The following APC2 variants were observed in gnomAD, a reference collection of about 807,000 sequenced individuals.
APC2 encodes the protein adenomatous polyposis coli protein 2.
Under a neutral mutation model 72.5 loss-of-function variants are expected in APC2, and 41 were observed. That is an observed-to-expected ratio of 0.57 (90% CI 0.44 to 0.73). The LOEUF (loss-of-function observed/expected upper bound fraction) is 0.73, where lower values mean the gene tolerates loss of function less well. Ranked by LOEUF, APC2 falls within the 30% of genes least tolerant of loss-of-function variation. The probability of loss-of-function intolerance (pLI) is 0.00; values close to 1 mark genes in which losing one functional copy is unlikely to be tolerated. For synonymous variants in APC2, 1,898 were observed against 1,612.0 expected (o/e 1.18, Z -4.25); for missense variants, 3,729 against 3,403.4 (o/e 1.10, Z -2.38).
chr19:1,450,157 G>C lies in APC2; in HGVS notation c.-200G>C. 12 of 985,270 alleles carry C rather than the reference G, an allele frequency of 1.2e-5. No homozygotes were observed. Among genetic ancestry groups the C allele is most frequent in the Non-Finnish European group, 1.3e-5 (11 of 829,876 alleles). 61.0% of individuals were successfully genotyped at this position (985,270 alleles called of 1,614,324 possible). On this transcript the variant is annotated 5_prime_UTR_variant, in exon 1 of 15. Transcript: ENST00000590469. ...GCCCAGCGCTAGGAGCGGCAGCGCC[G>C]CCTGCCCAGGCCCGGACCGGGCTTT...
Position 1,467,211 on chromosome 19 carries a change from C to T in APC2, c.3910C>T (p.Arg1304Cys). ...GCTGCTGCCCTCGGCCTGCCCCGAGCGCGGCGGGGGCGCCGGGGGCGCCGG... is the reference window on the plus strand; with the variant it reads ...GCTGCTGCCCTCGGCCTGCCCCGAGTGCGGCGGGGGCGCCGGGGGCGCCGG... ...LRLLPSACPERGGGAGGAGLH... is the reference protein window; with the variant it reads ...LRLLPSACPECGGGAGGAGLH... The change falls in exon 15 of 15, where the codon CGC becomes TGC. Residue 1304 changes from arginine (R) to cysteine (C), a missense_variant. Transcript: ENST00000590469. 2.1e-6 allele frequency: 3 copies of T among 1,415,920 alleles called. No individual in the cohort carries two copies. The highest frequency in any genetic ancestry group is 2.7e-6 in the Non-Finnish European group (3 of 1,091,164). The allele number at this position is 1,415,920 out of a possible 1,614,324, so 87.7% of individuals were successfully genotyped here. A position where few individuals can be genotyped will look rare whatever the true frequency, so the allele number is the denominator to read the frequency against.
At chr19:1,459,038 C>G (rs2083883287) in intron 10 of APC2, among the ~76,000 whole-genome samples, 1 of 152,054 alleles carries the variant, frequency 6.6e-6, no homozygotes, top group African/African-American at 2.4e-5. Context: ...ATCCTGTCCC[C>G]AGCCCCTGGC....
intron 14 of APC2, among the ~76,000 whole-genome samples, chr19:1,464,696 G>C (rs1400594839): frequency 6.9e-6 from 1 of 144,034 alleles, no homozygotes; most frequent in African/African-American, 2.6e-5. Flanking sequence ...GCAGTGGCGC[G>C]ATCTCGGCTC....
intron 14 of APC2, 121 bp downstream of exon 14, chr19:1,462,298 G>A (rs944808898): frequency 1.1e-6 from 1 of 922,038 alleles, no homozygotes; most frequent in Non-Finnish European, 1.6e-6. Flanking sequence ...GCTGCTGTTT[G>A]CAGCATAAAT....
At chr19:1,462,562 G>A (rs2083943234) in intron 14 of APC2, among the ~76,000 whole-genome samples, 1 of 144,528 alleles carries the variant, frequency 6.9e-6, no homozygotes, top group South Asian at 2.2e-4. Context: ...GGCTGAGGCA[G>A]AAGAATCGTT....
chr19:1,459,314 C>A (rs1041977758), intron 10 of APC2, among the ~76,000 whole-genome samples: 1 of 152,134 alleles, frequency 6.6e-6, no homozygotes, highest in African/African-American at 2.4e-5. Context: ...AAGCGATTCT[C>A]CTGCCTCAGC....
At chr19:1,462,870 C>CT (rs1318191051) in intron 14 of APC2, among the ~76,000 whole-genome samples, 2 of 151,054 alleles carry the variant, frequency 1.3e-5, no homozygotes, top group Non-Finnish European at 2.9e-5. Context: ...ACTCAGGAGG[C>CT]TGAGACAGGA....
At chr19:1,449,253 G>A (rs566325187), upstream of APC2, among the ~76,000 whole-genome samples, 15 of 152,082 alleles carry the variant, frequency 9.9e-5, no homozygotes, top group Admixed American at 3.3e-4. Context: ...GGCCCCAGTC[G>A]CCTCCCTTTC....
At chr19:1,460,140 G>A in intron 10 of APC2, 41 bp from the exon 11 acceptor site, 1 of 1,611,604 alleles carries the variant, frequency 6.2e-7, no homozygotes, top group Non-Finnish European at 8.5e-7. Flanking sequence ...CAGCAGGCAG[G>A]GTCATCCCTG....
In APC2 at chr19:1,466,372, G is replaced by A; in HGVS notation, c.3071G>A (p.Gly1024Glu). 1 of 1,585,120 alleles carries A rather than the reference G, an allele frequency of 6.3e-7. No individual in the cohort carries two copies. The highest frequency in any genetic ancestry group is 1.1e-5 in the South Asian group (1 of 88,802). The part of the protein sequence containing the change: ...EPLAGPGISP[G>E]ARKQAWLPAD... Reference sequence around the variant, plus strand: ...CTCGCGGGGCCTGGAATCTCTCCAGGGGCCCGGAAGCAGGCCTGGCTGCCG... The same window carrying A: ...CTCGCGGGGCCTGGAATCTCTCCAGAGGCCCGGAAGCAGGCCTGGCTGCCG... Residue 1024 changes from glycine to glutamate, a missense_variant, in exon 15 of 15, where the codon GGG becomes GAG. Coordinates refer to ENST00000590469, the MANE Select transcript of APC2 (RefSeq NM_005883.3).
At position 1,468,053 on chromosome 19, in the gene APC2, C is replaced by T. The variant is rs2084054686; in HGVS notation, c.4752C>T (p.Ser1584=). The T allele has an allele frequency of 1.9e-6, 3 of 1,576,724 alleles. No homozygotes were observed. Among genetic ancestry groups the T allele is most frequent in the Non-Finnish European group, 2.6e-6 (3 of 1,170,846 alleles). The change falls in exon 15 of 15, where the codon AGC becomes AGT. Residue 1584 remains serine (S), a synonymous_variant. Coordinates refer to ENST00000590469, the MANE Select transcript of APC2 (RefSeq NM_005883.3). ...GCTACTCCCTGAGCTCCTCCGCCAGCTCCCTCAGCGAGCCCGAGCCCTCGG... is the reference window on the plus strand; with the variant it reads ...GCTACTCCCTGAGCTCCTCCGCCAGTTCCCTCAGCGAGCCCGAGCCCTCGG... ...PPCYSLSSSA[S]SLSEPEPSEP... is the part of the protein sequence containing the mutation.
chr19:1,457,425 C>T, intron 9 of APC2, 182 bp downstream of exon 9: 1 of 854,638 alleles, frequency 1.2e-6, no homozygotes, highest in Non-Finnish European at 1.7e-6. Context: ...CGCCCATGAT[C>T]GTACCTGGCG....
chr19:1,468,902 C>T lies in APC2; in HGVS notation c.5601C>T (p.Arg1867=), dbSNP rs748671970. ...CCAGAAGCGCCACACCGCCCGCCCGCCTCGCCAAGACCCCCTCCTCCAGCT... is the reference window on the plus strand; with the variant it reads ...CCAGAAGCGCCACACCGCCCGCCCGTCTCGCCAAGACCCCCTCCTCCAGCT... ...QPPRSATPPA[R]LAKTPSSSSS... The change falls in exon 15 of 15, where the codon CGC becomes CGT. Residue 1867 remains arginine, a synonymous_variant. Transcript: ENST00000590469. 5.3e-6 allele frequency: 8 copies of T among 1,523,162 alleles called. No homozygotes were observed. The highest frequency in any genetic ancestry group is 2.0e-5 in the Admixed American group (1 of 50,944). 94.4% of individuals were successfully genotyped at this position (1,523,162 alleles called of 1,614,324 possible).
At chr19:1,448,858 GAAAAAA>G (rs1350821802), upstream of APC2, among the ~76,000 whole-genome samples, 931 of 137,196 alleles carry the variant, frequency 6.8e-3, 14 homozygotes, top group African/African-American at 0.025. Flanking sequence ...AAAAAAAAAA[GAAAAAA>G]AAGAAAAAGA....
chr19:1,450,286 A>C lies in APC2; in HGVS notation c.-71A>C. 1 of 985,390 alleles carries C rather than the reference A, an allele frequency of 1.0e-6. No individual in the cohort carries two copies. Among genetic ancestry groups the C allele is most frequent in the Non-Finnish European group, 1.2e-6 (1 of 829,916 alleles). The allele number at this position is 985,390 out of a possible 1,614,324, so 61.0% of individuals were successfully genotyped here. On this transcript the variant is annotated 5_prime_UTR_variant, in exon 1 of 15. Transcript: ENST00000590469. The stretch of plus-strand genomic sequence containing the variant: ...CGGTGGGGCCCGCGGAGCCGCGCAG[A>C]GGGAGGAGGCCCCAGACCCAGGCGC...
Position 1,469,306 on chromosome 19 carries a change from CG to C in APC2, c.6008del (p.Gly2003AlafsTer332). On this transcript the variant is annotated frameshift_variant, in exon 15 of 15. Transcript: ENST00000590469. LOFTEE classifies it low-confidence loss of function (END_TRUNC). ...RRQLTFIKES[P>X]GLRRRRSELS... ...CAGCTAACCTTCATCAAGGAGTCGCCGGGCTTGCGGCGCCGCCGCTCCGAGC... is the reference window on the plus strand; with the variant it reads ...CAGCTAACCTTCATCAAGGAGTCGCCGGCTTGCGGCGCCGCCGCTCCGAGC... 7.1e-7 allele frequency: 1 copy of C among 1,415,606 alleles called. No individual in the cohort carries two copies. The highest frequency in any genetic ancestry group is 2.5e-5 in the Admixed American group (1 of 39,580). The allele number at this position is 1,415,606 out of a possible 1,614,324, so 87.7% of individuals were successfully genotyped here. A position where few individuals can be genotyped will look rare whatever the true frequency, so the allele number is the denominator to read the frequency against.
Position 1,468,874 on chromosome 19 carries a change from C to T in APC2, c.5573C>T (p.Pro1858Leu), listed in dbSNP as rs747353110. ...TCGGAGCTGGCGACGCTGAGCCAGC[C>T]CCCCAGAAGCGCCACACCGCCCGCC... ...KTSELATLSQPPRSATPPARL... is the reference protein window; with the variant it reads ...KTSELATLSQLPRSATPPARL... Residue 1858 changes from proline (P) to leucine (L), a missense_variant, in exon 15 of 15, where the codon CCC (proline) becomes CTC (leucine). Transcript: ENST00000590469. 5 of 1,539,938 alleles carry T rather than the reference C, an allele frequency of 3.2e-6. No individual in the cohort carries two copies. The highest frequency in any genetic ancestry group is 3.5e-6 in the Non-Finnish European group (4 of 1,150,962).
Position 1,453,044 on chromosome 19 carries a change from G to C in APC2, c.43G>C (p.Val15Leu), listed in dbSNP as rs1406322295. The C allele has an allele frequency of 6.2e-7, 1 of 1,611,196 alleles. No homozygotes were observed. Among genetic ancestry groups the C allele is most frequent in the Non-Finnish European group, 8.5e-7 (1 of 1,179,892 alleles). The change falls in exon 2 of 15, where the codon GTG (valine) becomes CTG (leucine). Residue 15 changes from valine to leucine, a missense_variant. Physicochemically the swap from Val to Leu is conservative, Grantham distance 32. Transcript: ENST00000590469. ...GCCCTACGAGCAGCTGGTGAGGCAGGTGGAGGCCTTGAAGGCTGAGAACAG... is the reference window on the plus strand; with the variant it reads ...GCCCTACGAGCAGCTGGTGAGGCAGCTGGAGGCCTTGAAGGCTGAGAACAG... ...VAPYEQLVRQ[V>L]EALKAENSHL...
In APC2 at chr19:1,456,079, C is replaced by G. The variant is rs779419463; in HGVS notation, c.643C>G (p.Arg215Gly). 2 of 1,572,230 alleles carry G rather than the reference C, an allele frequency of 1.3e-6. No individual in the cohort carries two copies. The highest frequency in any genetic ancestry group is 1.8e-5 in the Admixed American group (1 of 54,588). The change falls in exon 7 of 15, where the codon CGC becomes GGC. Residue 215 changes from arginine to glycine, a missense_variant. Coordinates refer to ENST00000590469, the MANE Select transcript of APC2 (RefSeq NM_005883.3). ...SDEMVQRAQI[R>G]ASRLEQIDKE... ...GCCCTCGTGTGGTCCTGAGCAGATC[C>G]GCGCCTCGCGCCTGGAGCAGATTGA...
Sources: gnomAD v4.1 joint callset for allele counts (sites outside exome capture counted in the v4.1 genomes callset) on GRCh38, gnomAD v4.1.1 for gene constraint, MANE v1.5 for transcripts, NCBI Gene and HGNC (gene_info 2026-07-23, HGNC 2026-07-21) for gene names.